The following PHACTR2 variants were observed in gnomAD, a reference collection of about 807,000 sequenced individuals.
PHACTR2 encodes the protein chromosome 6 open reading frame 56.
A neutral mutation model predicts 76.0 loss-of-function variants in PHACTR2; 30 were observed. The observed-to-expected ratio is 0.39, with a 90% CI of 0.30 to 0.54. PHACTR2 has a LOEUF of 0.54. Ranked by LOEUF, PHACTR2 falls within the 20% of genes least tolerant of loss-of-function variation. The pLI is 0.61. For missense variants in PHACTR2, 696 were observed against 781.1 expected, an observed-to-expected ratio of 0.89 and a Z score of 1.30; for synonymous variants, 292 against 292.5, an observed-to-expected ratio of 1.00 and a Z score of 0.02.
chr6:143,676,688 A>G (rs1469395135), upstream of PHACTR2, among the ~76,000 whole-genome samples: 1 of 152,086 alleles, frequency 6.6e-6, no homozygotes, highest in East Asian at 1.9e-4. This position sits in a 1 kb window ranked among gnomAD's most constrained non-coding sequence, Gnocchi z 4.8. Context: ...TGTAGTTAGG[A>G]TTAATTTTAT....
chr6:143,545,680 C>T (rs924214141), intron 1 of PHACTR2, among the ~76,000 whole-genome samples: 2 of 152,178 alleles, frequency 1.3e-5, no homozygotes, highest in Admixed American at 1.3e-4. Context: ...AAAATGCATA[C>T]TCTTTTCTTA....
intron 1 of PHACTR2, among the ~76,000 whole-genome samples, chr6:143,544,815 T>TA (rs1781208589): frequency 6.6e-6 from 1 of 152,210 alleles, no homozygotes; most frequent in Non-Finnish European, 1.5e-5. Context: ...TGAATTACCT[T>TA]AAAAATAGTT....
At chr6:143,538,099 C>T (rs1037066012) in intron 1 of PHACTR2, among the ~76,000 whole-genome samples, 5 of 152,102 alleles carry the variant, frequency 3.3e-5, no homozygotes, top group Admixed American at 1.3e-4. Flanking sequence ...GTCTTACACA[C>T]ACACACACAC....
chr6:143,783,825 CATT>C lies in PHACTR2; in HGVS notation c.1707+550_1707+552del, dbSNP rs1003933379. Among the ~76,000 whole-genome samples, 18 of 152,006 alleles carry C rather than the reference CATT, an allele frequency of 1.2e-4. No homozygotes were observed. Among genetic ancestry groups the C allele is most frequent in the African/African-American group, 3.1e-4 (13 of 41,500 alleles). ...ATCATGTCTTTCATTCAGAGACAGC[CATT>C]ATTAACATTTCAATGCATGTATTTC... On this transcript the variant is annotated intron_variant, in intron 10 of 12. Transcript: ENST00000440869. This position sits in a 1 kb window ranked among gnomAD's most constrained non-coding sequence, Gnocchi z 5.2.
rs887953658 is a variant in PHACTR2 at position 143,541,466 on chromosome 6, T to C, written c.217+4259T>C. Among the ~76,000 whole-genome samples the C allele has an allele frequency of 2.0e-5, 3 of 152,228 alleles. No individual in the cohort carries two copies. Among genetic ancestry groups the C allele is most frequent in the African/African-American group, 4.8e-5 (2 of 41,464 alleles). On this transcript the variant is annotated intron_variant, in intron 1 of 11. Transcript: ENST00000367584. This position sits in a 1 kb window ranked among gnomAD's most constrained non-coding sequence, Gnocchi z 5.3. ...GATGCTTAGTCTTGCACATTGCACATTGGGCTGCATAGATCAGAGAACCAT... is the reference window on the plus strand; with the variant it reads ...GATGCTTAGTCTTGCACATTGCACACTGGGCTGCATAGATCAGAGAACCAT...
rs1391682974 is a variant in PHACTR2, at chr6:143,811,435, T to A, written c.1922+4302T>A. 6.6e-6 allele frequency among the ~76,000 whole-genome samples: 1 copy of A among 152,202 alleles called. No homozygotes were observed. The highest frequency in any genetic ancestry group is 1.5e-5 in the Non-Finnish European group (1 of 68,024). ...AAATTTAGTATATGCTTCTTGTATTTCATAAAAGTCTATTGATATTTTTAT... is the reference window on the plus strand; with the variant it reads ...AAATTTAGTATATGCTTCTTGTATTACATAAAAGTCTATTGATATTTTTAT... On this transcript the variant is annotated intron_variant, in intron 12 of 12. Coordinates refer to ENST00000440869, the MANE Select transcript of PHACTR2 (RefSeq NM_001100164.2). This position sits in a 1 kb window ranked among gnomAD's most constrained non-coding sequence, Gnocchi z 4.1.
chr6:143,689,002 T>G lies in PHACTR2; in HGVS notation c.46+10793T>G, dbSNP rs778317239. Among the ~76,000 whole-genome samples, 3 of 152,206 alleles carry G rather than the reference T, an allele frequency of 2.0e-5. No homozygotes were observed. Among genetic ancestry groups the G allele is most frequent in the Non-Finnish European group, 2.9e-5 (2 of 68,038 alleles). On this transcript the variant is annotated intron_variant, in intron 1 of 12. Transcript: ENST00000440869. The surrounding 1 kb of genome is among the most constrained non-coding windows in gnomAD (Gnocchi z 4.4). Reference sequence around the variant, plus strand: ...CTCTCTGACCTCATCTTCCATCACTTTGCTCTGGTCCCCTCACTGCCTTTT... The same window carrying G: ...CTCTCTGACCTCATCTTCCATCACTGTGCTCTGGTCCCCTCACTGCCTTTT...
intron 2 of PHACTR2, among the ~76,000 whole-genome samples, chr6:143,726,551 G>A (rs141807009): frequency 6.6e-6 from 1 of 152,222 alleles, no homozygotes; most frequent in East Asian, 1.9e-4. Context: ...ATTTCACCTA[G>A]CATAATGTCC....
Position 143,556,459 on chromosome 6 carries a change from T to C in PHACTR2, c.217+19252T>C, listed in dbSNP as rs1462124808. On this transcript the variant is annotated intron_variant, in intron 1 of 11. Coordinates refer to the PHACTR2 transcript ENST00000367584. This position sits in a 1 kb window ranked among gnomAD's most constrained non-coding sequence, Gnocchi z 4.3. Reference sequence around the variant, plus strand: ...TGATAGAATCATCAAAAATAAAAATTGAGGCATATAACAAAACCAGAAAGT... The same window carrying C: ...TGATAGAATCATCAAAAATAAAAATCGAGGCATATAACAAAACCAGAAAGT... 4.6e-5 allele frequency among the ~76,000 whole-genome samples: 7 copies of C among 152,120 alleles called. No homozygotes were observed. The highest frequency in any genetic ancestry group is 4.6e-4 in the Admixed American group (7 of 15,272).
At chr6:143,813,156 T>C (rs2128485200) in intron 12 of PHACTR2, among the ~76,000 whole-genome samples, 1 of 152,290 alleles carries the variant, frequency 6.6e-6, no homozygotes, top group African/African-American at 2.4e-5. Context: ...TTCATATTTG[T>C]ATCAGCTTGT....
At position 143,585,264 on chromosome 6, in the gene PHACTR2, T is replaced by C. The variant is rs1254689032; in HGVS notation, c.217+48057T>C. On this transcript the variant is annotated intron_variant, in intron 1 of 11. Transcript: ENST00000367584. This position sits in a 1 kb window ranked among gnomAD's most constrained non-coding sequence, Gnocchi z 5.2. ...AGGGAATTTGAGGTAGAGAAGGTGT[T>C]GGAAACCCAGCTAAGAAGTCACTGT... 6.6e-6 allele frequency among the ~76,000 whole-genome samples: 1 copy of C among 152,072 alleles called. No homozygotes were observed. The highest frequency in any genetic ancestry group is 1.5e-5 in the Non-Finnish European group (1 of 68,010).
intron 1 of PHACTR2, among the ~76,000 whole-genome samples, chr6:143,668,148 A>C (rs1221065263): frequency 6.6e-6 from 1 of 152,060 alleles, no homozygotes; most frequent in African/African-American, 2.4e-5. Context: ...GTTTTTTGTC[A>C]TTCGTTCTGT....
Position 143,625,128 on chromosome 6 carries a change from C to T in PHACTR2, c.13+16806C>T, listed in dbSNP as rs1207463648. ...CCAAGATTGCACCACTACACTCCAACATGGAGTGTAGAGACAGAATGAGAC... is the reference window on the plus strand; with the variant it reads ...CCAAGATTGCACCACTACACTCCAATATGGAGTGTAGAGACAGAATGAGAC... On this transcript the variant is annotated intron_variant, in intron 1 of 11. Transcript: ENST00000305766. The surrounding 1 kb of genome is among the most constrained non-coding windows in gnomAD (Gnocchi z 4.3). Among the ~76,000 whole-genome samples, 1 of 151,172 alleles carries T rather than the reference C, an allele frequency of 6.6e-6. No individual in the cohort carries two copies. The highest frequency in any genetic ancestry group is 1.5e-5 in the Non-Finnish European group (1 of 67,906).
In PHACTR2 at chr6:143,611,399, G is replaced by A. The variant is rs114525179; in HGVS notation, c.13+3077G>A. On this transcript the variant is annotated intron_variant, in intron 1 of 11. Transcript: ENST00000305766. This position sits in a 1 kb window ranked among gnomAD's most constrained non-coding sequence, Gnocchi z 4.4. ...TGCCAGCTCCCTGCAAAAGAGACTC[G>A]AGAGTTATTTGGAGCCAGACTGAGG... Among the ~76,000 whole-genome samples the A allele has an allele frequency of 0.011, 1,738 of 152,246 alleles. 30 individuals carry two copies. Among genetic ancestry groups the A allele is most frequent in the African/African-American group, 0.039 (1,617 of 41,522 alleles).
At chr6:143,711,069 T>C (rs1382436805) in intron 1 of PHACTR2, 1 of 517,022 alleles carries the variant, frequency 1.9e-6, no homozygotes, top group Admixed American at 2.0e-5. Context: ...ATGCAAAAAA[T>C]TGTAAATACC....
intron 6 of PHACTR2, among the ~76,000 whole-genome samples, chr6:143,768,083 G>A (rs1774988190): frequency 6.6e-6 from 1 of 152,186 alleles, no homozygotes; most frequent in South Asian, 2.1e-4. Context: ...TGATCCGCCT[G>A]CCTCAGCCTT....
chr6:143,831,159 A>G lies in PHACTR2; in HGVS notation c.*7470A>G, dbSNP rs1332513880. On this transcript the variant is annotated 3_prime_UTR_variant, in exon 13 of 13. Transcript: ENST00000440869. This position sits in a 1 kb window ranked among gnomAD's most constrained non-coding sequence, Gnocchi z 5.2. ...AGATAGTCCATTTAGAGTTTATAATATAGAAAATAAACAGACTTCCTCATT... is the reference window on the plus strand; with the variant it reads ...AGATAGTCCATTTAGAGTTTATAATGTAGAAAATAAACAGACTTCCTCATT... The G allele has an allele frequency of 6.6e-6, 1 of 152,228 alleles. No individual in the cohort carries two copies. The highest frequency in any genetic ancestry group is 2.4e-5 in the African/African-American group (1 of 41,464). 9.4% of individuals were successfully genotyped at this position (152,228 alleles called of 1,614,324 possible). A position where few individuals can be genotyped will look rare whatever the true frequency, so the allele number is the denominator to read the frequency against.
intron 2 of PHACTR2, 116 bp from the exon 3 acceptor site, chr6:143,748,869 A>G (rs1779125947): frequency 5.2e-6 from 3 of 577,450 alleles, no homozygotes; most frequent in Admixed American, 6.8e-5. Flanking sequence ...CAACTAAGAA[A>G]ACGAGTTTGA....
intron 1 of PHACTR2, among the ~76,000 whole-genome samples, chr6:143,566,546 C>T (rs190114705): frequency 1.3e-5 from 2 of 152,294 alleles, no homozygotes; most frequent in Admixed American, 6.5e-5. Context: ...TCAAGCAATC[C>T]TCCTACCTTG....
Sources: gnomAD v4.1 joint callset for allele counts (sites outside exome capture counted in the v4.1 genomes callset) on GRCh38, gnomAD v4.1.1 for gene constraint, Gnocchi (gnomAD v3.1) non-coding constraint, MANE v1.5 for transcripts, NCBI Gene and HGNC (gene_info 2026-07-23, HGNC 2026-07-21) for gene names.